Variants in PIGN observed in about 807,000 individuals in gnomAD.
The protein encoded by PIGN is GPI ethanolamine phosphate transferase 1.
A neutral mutation model predicts 125.4 loss-of-function variants in PIGN; 117 were observed. The ratio of observed to expected loss-of-function variants is 0.93; its 90% CI spans 0.80 to 1.09. PIGN has a LOEUF of 1.09. PIGN is among the 50% of genes least tolerant of loss of function. The pLI, the probability that PIGN is intolerant of heterozygous loss-of-function variation, is 0.00. For synonymous variants in PIGN, 392 were observed against 377.8 expected, an observed-to-expected ratio of 1.04 and a Z score of -0.44; for missense variants, 1,075 against 1,094.9, an observed-to-expected ratio of 0.98 and a Z score of 0.26.
intron 7 of PIGN, among the ~76,000 whole-genome samples, chr18:62,151,997 C>G (rs749202751): frequency 6.6e-6 from 1 of 152,162 alleles, no homozygotes; most frequent in Non-Finnish European, 1.5e-5. Flanking sequence ...AATATTTGCT[C>G]AAGGTGGTCG....
rs560238731 is a variant in PIGN at position 62,044,222 on chromosome 18, C to T, written c.*1634G>A. The stretch of plus-strand genomic sequence containing the variant: ...AAAGAAAGATAAAAAAACTGAGCAC[C>T]CTTTACAATGTTGTAATAAAATATT... On this transcript the variant is annotated 3_prime_UTR_variant, in exon 31 of 31. Coordinates refer to ENST00000640252, the MANE Select transcript of PIGN (RefSeq NM_176787.5). 2 of 152,126 alleles carry T rather than the reference C, an allele frequency of 1.3e-5. No individual in the cohort carries two copies. Among genetic ancestry groups the T allele is most frequent in the East Asian group, 1.9e-4 (1 of 5,186 alleles). 9.4% of individuals were successfully genotyped at this position (152,126 alleles called of 1,614,324 possible).
intron 23 of PIGN, among the ~76,000 whole-genome samples, chr18:62,092,655 TG>T (rs1409855590): frequency 2.6e-5 from 4 of 152,144 alleles, no homozygotes; most frequent in African/African-American, 9.6e-5. Flanking sequence ...ATTAATTCTA[TG>T]TTAAAAAGAC....
chr18:62,024,373 G>C (rs1044337647), intron 23 of PIGN, among the ~76,000 whole-genome samples: 3 of 152,094 alleles, frequency 2.0e-5, no homozygotes, highest in Non-Finnish European at 4.4e-5. Flanking sequence ...TCCTCCCCCA[G>C]CCCCTTCCCT....
intron 23 of PIGN, among the ~76,000 whole-genome samples, chr18:62,026,137 C>T (rs1018086172): frequency 1.3e-5 from 2 of 152,068 alleles, no homozygotes; most frequent in African/African-American, 4.8e-5. Flanking sequence ...TCATTCATTG[C>T]AGTATGAGTG....
chr18:62,019,183 A>G lies in PIGN; in HGVS notation c.2143-1442T>C, dbSNP rs541509264. ...ATGATTGTACCACTGCACTCCAAAC[A>G]AACAAAAAAAAGCAAAGCAAAAATT... On this transcript the variant is annotated intron_variant, in intron 23 of 24. Transcript: ENST00000639600. 2.3e-4 allele frequency among the ~76,000 whole-genome samples: 35 copies of G among 152,268 alleles called. No homozygotes were observed. The South Asian group carries it at 7.2e-3, about 32-fold the overall frequency.
At chr18:62,118,966 G>C (rs1721331436) in intron 14 of PIGN, among the ~76,000 whole-genome samples, 1 of 151,134 alleles carries the variant, frequency 6.6e-6, no homozygotes, top group African/African-American at 2.4e-5. Flanking sequence ...CTGAAAAGCA[G>C]ACAGAAGTTT....
intron 1 of PIGN, among the ~76,000 whole-genome samples, chr18:62,175,082 T>C (rs1568260123): frequency 6.8e-6 from 1 of 146,334 alleles, no homozygotes; most frequent in Non-Finnish European, 1.5e-5. Context: ...ATATATTTAA[T>C]ATATCTAATA....
intron 20 of PIGN, among the ~76,000 whole-genome samples, chr18:62,103,166 C>T (rs2034510855): frequency 6.6e-6 from 1 of 152,072 alleles, no homozygotes. Context: ...AGTATCTCTA[C>T]CTTGCTTCTA....
chr18:62,052,288 T>A (rs1393472404), intron 30 of PIGN: 1 of 151,614 alleles, frequency 6.6e-6, no homozygotes, highest in African/African-American at 2.4e-5. Flanking sequence ...ATCTGTCTAA[T>A]GTTGACAGTG....
chr18:62,020,931 A>G (rs2030047287), intron 23 of PIGN, among the ~76,000 whole-genome samples: 1 of 149,598 alleles, frequency 6.7e-6, no homozygotes, highest in African/African-American at 2.5e-5. Flanking sequence ...ATTGCACACT[A>G]GCCTGGGCGA....
At chr18:62,071,761 T>C (rs1400115654) in intron 30 of PIGN, among the ~76,000 whole-genome samples, 2 of 151,408 alleles carry the variant, frequency 1.3e-5, no homozygotes, top group Admixed American at 6.6e-5. Context: ...CACACAATTA[T>C]GTACAGTACA....
At chr18:62,055,805 T>G (rs543928433) in intron 30 of PIGN, among the ~76,000 whole-genome samples, 1 of 151,956 alleles carries the variant, frequency 6.6e-6, no homozygotes, top group African/African-American at 2.4e-5. Context: ...AGGGCATAGG[T>G]TGCTGGCCTC....
intron 14 of PIGN, among the ~76,000 whole-genome samples, chr18:62,134,210 T>C (rs576088352): frequency 4.6e-5 from 7 of 152,130 alleles, no homozygotes; most frequent in Admixed American, 3.9e-4. Context: ...CTAGCCAACA[T>C]GGTGAAACCC....
chr18:62,131,910 G>A (rs2147009270), intron 14 of PIGN, among the ~76,000 whole-genome samples: 1 of 152,194 alleles, frequency 6.6e-6, no homozygotes, highest in Non-Finnish European at 1.5e-5. Flanking sequence ...AATTAATCAT[G>A]TCACGAAAAT....
intron 1 of PIGN, among the ~76,000 whole-genome samples, chr18:62,181,871 C>T (rs2037730548): frequency 6.6e-6 from 1 of 152,118 alleles, no homozygotes; most frequent in Admixed American, 6.5e-5. Context: ...GGATTACAGG[C>T]ACACAGCATC....
intron 14 of PIGN, among the ~76,000 whole-genome samples, chr18:62,129,540 CT>C (rs1352355624): frequency 6.6e-6 from 1 of 152,184 alleles, no homozygotes; most frequent in African/African-American, 2.4e-5. Flanking sequence ...CATCCCTCAT[CT>C]GTGGGTTTGG....
intron 29 of PIGN, among the ~76,000 whole-genome samples, chr18:62,074,227 G>A (rs1364207136): frequency 6.6e-6 from 1 of 152,178 alleles, no homozygotes; most frequent in East Asian, 1.9e-4. Context: ...GAATTCTAGT[G>A]AATTACTAAA....
intron 20 of PIGN, 143 bp downstream of exon 20, chr18:62,105,400 T>A (rs2034596454): frequency 1.7e-6 from 1 of 573,018 alleles, no homozygotes; most frequent in East Asian, 3.0e-5. Context: ...AAATCATGAC[T>A]AATGGTTTGA....
downstream of PIGN, among the ~76,000 whole-genome samples, chr18:62,039,564 C>CA (rs59290924): frequency 0.32 from 31,866 of 100,048 alleles, 7,898 homozygotes; most frequent in East Asian, 0.64. Flanking sequence ...CAGGGTGCCG[C>CA]ACCCCATGTT....
Sources: gnomAD v4.1 joint callset for allele counts (sites outside exome capture counted in the v4.1 genomes callset) on GRCh38, gnomAD v4.1.1 for gene constraint, MANE v1.5 for transcripts, NCBI Gene and HGNC (gene_info 2026-07-23, HGNC 2026-07-21) for gene names.